Variants in SH3RF3 observed in about 807,000 individuals in gnomAD.
SH3RF3 encodes E3 ubiquitin-protein ligase SH3RF3.
In SH3RF3, 29 loss-of-function variants were observed where a neutral mutation model predicts 66.3. The observed-to-expected ratio is 0.44, with a 90% confidence interval of 0.33 to 0.60. The LOEUF is 0.60. Among genes scored for constraint, SH3RF3 ranks in the 20% least tolerant of loss-of-function variants. SH3RF3 has a pLI of 0.04. For missense variants in SH3RF3, 1,194 were observed against 1,190.9 expected, an observed-to-expected ratio of 1.00 and a Z score of -0.04; for synonymous variants, 583 against 532.0, an observed-to-expected ratio of 1.10 and a Z score of -1.32.
At chr2:109,497,913 C>T (rs964097987) in intron 9 of SH3RF3, among the ~76,000 whole-genome samples, 1 of 152,212 alleles carries the variant, frequency 6.6e-6, no homozygotes, top group African/African-American at 2.4e-5. Context: ...TCCTTTCTTT[C>T]CTTGGGGAAG....
At chr2:109,375,623 C>T (rs555369621) in intron 3 of SH3RF3, among the ~76,000 whole-genome samples, 165 of 152,372 alleles carry the variant, frequency 1.1e-3, no homozygotes, top group Non-Finnish European at 2.1e-3. Flanking sequence ...AGGAATTCCT[C>T]CTCCCCAGTG....
chr2:109,198,200 A>G (rs1407920410), intron 1 of SH3RF3, among the ~76,000 whole-genome samples: 2 of 152,208 alleles, frequency 1.3e-5, no homozygotes, highest in Non-Finnish European at 2.9e-5. Context: ...CCCTCAAGAC[A>G]TGGCCTGCAT....
In SH3RF3 at chr2:109,286,639, C is replaced by T. The variant is rs550840269; in HGVS notation, c.574-61035C>T. Reference sequence around the variant, plus strand: ...CTTCCACACCCATGATTCTAAATCCCAGGAGCTCTGAAGCAGGAATCTTTT... The same window carrying T: ...CTTCCACACCCATGATTCTAAATCCTAGGAGCTCTGAAGCAGGAATCTTTT... On this transcript the variant is annotated intron_variant, in intron 1 of 9. Coordinates refer to ENST00000309415, the MANE Select transcript of SH3RF3 (RefSeq NM_001099289.3). Among the ~76,000 whole-genome samples the T allele has an allele frequency of 2.0e-5, 3 of 152,288 alleles. No individual in the cohort carries two copies. The East Asian group carries it at 5.8e-4, about 29-fold the overall frequency.
At chr2:109,210,671 C>T (rs1295995526) in intron 1 of SH3RF3, among the ~76,000 whole-genome samples, 2 of 152,142 alleles carry the variant, frequency 1.3e-5, no homozygotes, top group Non-Finnish European at 2.9e-5. Flanking sequence ...GATGAGCTTA[C>T]TCCAGGTGGG....
intron 2 of SH3RF3, among the ~76,000 whole-genome samples, chr2:109,360,400 C>G (rs924770568): frequency 6.6e-6 from 1 of 151,992 alleles, no homozygotes; most frequent in African/African-American, 2.4e-5. Flanking sequence ...TTTGTAGGCT[C>G]GATGTACACA....
chr2:109,365,342 T>G (rs1189281784), intron 2 of SH3RF3, among the ~76,000 whole-genome samples: 1 of 152,168 alleles, frequency 6.6e-6, no homozygotes. Flanking sequence ...CCAGCACACA[T>G]CAGTTACAGT....
At chr2:109,414,950 C>G (rs1380327624) in intron 4 of SH3RF3, among the ~76,000 whole-genome samples, 1 of 152,218 alleles carries the variant, frequency 6.6e-6, no homozygotes, top group African/African-American at 2.4e-5. Context: ...GGAAAAGACC[C>G]TGAGATGGAG....
At chr2:109,193,855 G>C (rs1006289158) in intron 1 of SH3RF3, among the ~76,000 whole-genome samples, 1 of 152,192 alleles carries the variant, frequency 6.6e-6, no homozygotes, top group African/African-American at 2.4e-5. Context: ...TCTAGCCCCG[G>C]GGATGGGTTT....
At chr2:109,151,303 T>C (rs1558928042) in intron 1 of SH3RF3, among the ~76,000 whole-genome samples, 2 of 152,098 alleles carry the variant, frequency 1.3e-5, no homozygotes, top group Non-Finnish European at 2.9e-5. Context: ...GAATACAGAA[T>C]TTTTTCCTTC....
intron 1 of SH3RF3, among the ~76,000 whole-genome samples, chr2:109,306,383 G>A (rs1681598351): frequency 6.6e-6 from 1 of 152,238 alleles, no homozygotes; most frequent in Non-Finnish European, 1.5e-5. Context: ...CAGAGTGCTT[G>A]GAGATTCCTC....
At chr2:109,257,109 C>T (rs1558985806) in intron 1 of SH3RF3, among the ~76,000 whole-genome samples, 1 of 152,176 alleles carries the variant, frequency 6.6e-6, no homozygotes, top group Admixed American at 6.5e-5. Flanking sequence ...AGCCCGAAAG[C>T]CACTGAATCC....
At chr2:109,352,563 C>T (rs976209771) in intron 2 of SH3RF3, among the ~76,000 whole-genome samples, 2 of 152,214 alleles carry the variant, frequency 1.3e-5, no homozygotes, top group African/African-American at 4.8e-5. Context: ...TTAGCTTTAC[C>T]TCTTTTTGTA....
intron 2 of SH3RF3, among the ~76,000 whole-genome samples, chr2:109,354,665 G>A (rs1682909942): frequency 6.6e-6 from 1 of 152,192 alleles, no homozygotes. Flanking sequence ...GGTGTCAAAG[G>A]GCAGTGTGCT....
At position 109,129,528 on chromosome 2, in the gene SH3RF3, G is replaced by A. The variant is rs777046828; in HGVS notation, c.-13G>A. On this transcript the variant is annotated 5_prime_UTR_variant, in exon 1 of 10. Transcript: ENST00000309415. The stretch of plus-strand genomic sequence containing the variant: ...CTAGGCAGCCGCGCGAGACCGCTGC[G>A]GGCGCCTCCCCCATGCTGCTCGGAG... The A allele has an allele frequency of 4.4e-5, 66 of 1,496,654 alleles. No individual in the cohort carries two copies. The highest frequency in any genetic ancestry group is 4.4e-4 in the Middle Eastern group (2 of 4,500). The allele number at this position is 1,496,654 out of a possible 1,614,324, so 92.7% of individuals were successfully genotyped here.
At chr2:109,425,809 C>CA (rs1677013380) in intron 5 of SH3RF3, among the ~76,000 whole-genome samples, 2 of 152,230 alleles carry the variant, frequency 1.3e-5, no homozygotes, top group African/African-American at 4.8e-5. Context: ...TGCCTGCTGA[C>CA]ACAGCATCCA....
chr2:109,484,365 T>G (rs1481782399), intron 8 of SH3RF3, among the ~76,000 whole-genome samples: 1 of 152,112 alleles, frequency 6.6e-6, no homozygotes, highest in South Asian at 2.1e-4. Flanking sequence ...CCCTGCCTGG[T>G]CATCCCACTG....
intron 1 of SH3RF3, among the ~76,000 whole-genome samples, chr2:109,266,681 G>A (rs961408986): frequency 4.6e-5 from 7 of 152,026 alleles, no homozygotes; most frequent in Non-Finnish European, 1.5e-5. Flanking sequence ...CCAGTGCTCA[G>A]CCACAGATTG....
At chr2:109,191,414 T>C (rs1678360085) in intron 1 of SH3RF3, among the ~76,000 whole-genome samples, 1 of 152,152 alleles carries the variant, frequency 6.6e-6, no homozygotes, top group African/African-American at 2.4e-5. Flanking sequence ...TGAATACTAT[T>C]TAGAAGAAAG....
chr2:109,389,001 A>G (rs1216191183), intron 3 of SH3RF3, among the ~76,000 whole-genome samples: 2 of 152,180 alleles, frequency 1.3e-5, no homozygotes, highest in Non-Finnish European at 2.9e-5. Context: ...CCACAGCCCA[A>G]TGCACCATCC....
Sources: gnomAD v4.1 joint callset for allele counts (sites outside exome capture counted in the v4.1 genomes callset) on GRCh38, gnomAD v4.1.1 for gene constraint, MANE v1.5 for transcripts, NCBI Gene and HGNC (gene_info 2026-07-23, HGNC 2026-07-21) for gene names.